Variants in PYHIN1 observed in about 807,000 individuals in gnomAD.
PYHIN1 encodes the protein pyrin and HIN domain family member 1, also known as pyrin and HIN domain-containing protein 1.
A neutral mutation model predicts 43.7 loss-of-function variants in PYHIN1; 32 were observed. That is an observed-to-expected ratio of 0.73 (90% confidence interval 0.55 to 0.98). PYHIN1 has a LOEUF of 0.98. Ranked by LOEUF, PYHIN1 falls within the 50% of genes least tolerant of loss-of-function variation. PYHIN1 has a pLI of 0.00. For synonymous variants in PYHIN1, 205 were observed against 203.1 expected (o/e 1.01, Z -0.08); for missense variants, 588 against 589.5 (o/e 1.00, Z 0.03).
At chr1:158,983,148 T>C in the PYHIN1 span, among the ~76,000 whole-genome samples, 1 of 152,092 alleles carries the variant, frequency 6.6e-6, no homozygotes, top group South Asian at 2.1e-4. Context: ...TTCTCTTGCC[T>C]GACTGCTCTG....
chr1:158,985,549 A>G, the PYHIN1 span, among the ~76,000 whole-genome samples: 1 of 152,072 alleles, frequency 6.6e-6, no homozygotes, highest in African/African-American at 2.4e-5. Flanking sequence ...TTCCCTTTGT[A>G]CATGATCTGC....
At chr1:158,936,830 A>G (rs1648571145) in intron 1 of PYHIN1, 61 bp from the exon 2 acceptor site, 1 of 1,150,166 alleles carries the variant, frequency 8.7e-7, no homozygotes, top group Admixed American at 2.7e-5. Flanking sequence ...ACATAGGCAT[A>G]CATCTTCTTT....
chr1:158,978,828 A>T (rs577856831), downstream of PYHIN1, among the ~76,000 whole-genome samples: 23 of 152,046 alleles, frequency 1.5e-4, no homozygotes, highest in African/African-American at 5.5e-4. Context: ...CCTTGACCCC[A>T]CTCTATCTTA....
At chr1:158,939,319 A>C in intron 4 of PYHIN1, 72 bp downstream of exon 4, 1 of 1,585,968 alleles carries the variant, frequency 6.3e-7, no homozygotes, top group Non-Finnish European at 8.6e-7. Flanking sequence ...TTCATCTTCT[A>C]CTGAAAAATG....
chr1:158,985,504 T>G, the PYHIN1 span, among the ~76,000 whole-genome samples: 1 of 152,206 alleles, frequency 6.6e-6, no homozygotes, highest in African/African-American at 2.4e-5. Context: ...CTTGAAAAAT[T>G]TCTGCTGAAA....
intron 4 of PYHIN1, chr1:158,939,508 G>T (rs1648779920): frequency 5.8e-6 from 9 of 1,550,800 alleles, no homozygotes; most frequent in Non-Finnish European, 7.8e-6. Context: ...TTCAGCAACA[G>T]ACTCACTGTC....
At chr1:158,959,716 C>T (rs1650214549) in intron 7 of PYHIN1, among the ~76,000 whole-genome samples, 1 of 152,172 alleles carries the variant, frequency 6.6e-6, no homozygotes, top group Non-Finnish European at 1.5e-5. Context: ...TATGAGTTTC[C>T]TAGCACCCTT....
rs927036293 is a variant in PYHIN1, at chr1:158,938,269, G to C, written c.266-128G>C. 9 of 980,416 alleles carry C rather than the reference G, an allele frequency of 9.2e-6. No homozygotes were observed. The African/African-American group carries it at 1.3e-4, about 14-fold the overall frequency. The allele number at this position is 980,416 out of a possible 1,614,324, so 60.7% of individuals were successfully genotyped here. A position where few individuals can be genotyped will look rare whatever the true frequency, so the allele number is the denominator to read the frequency against. On this transcript the variant is annotated intron_variant, in intron 2 of 8. Coordinates refer to ENST00000368140, the MANE Select transcript of PYHIN1 (RefSeq NM_152501.5). ...CTCCTGGAAGCCAGACTAGGCTAAT[G>C]CAATAGAGATAGACTAAAATACACC...
intron 7 of PYHIN1, among the ~76,000 whole-genome samples, chr1:158,945,779 C>T (rs1286896219): frequency 1.3e-5 from 2 of 152,168 alleles, no homozygotes; most frequent in Non-Finnish European, 2.9e-5. Flanking sequence ...CAGCATAGAA[C>T]ATGTAACGAC....
At chr1:158,948,714 A>G (rs1303852518) in intron 7 of PYHIN1, among the ~76,000 whole-genome samples, 1 of 152,216 alleles carries the variant, frequency 6.6e-6, no homozygotes, top group Non-Finnish European at 1.5e-5. Context: ...CATAAAGGCT[A>G]TAAGTGTGCC....
chr1:158,932,224 A>T (rs570289650), intron 1 of PYHIN1, among the ~76,000 whole-genome samples: 4 of 152,280 alleles, frequency 2.6e-5, no homozygotes, highest in African/African-American at 9.6e-5. Context: ...CAAATACTGC[A>T]TGTTCTCACT....
chr1:158,967,740 A>T (rs902301869), intron 7 of PYHIN1, among the ~76,000 whole-genome samples: 4 of 152,128 alleles, frequency 2.6e-5, no homozygotes, highest in African/African-American at 9.7e-5. Context: ...TGGTACAAAA[A>T]CAGACACATA....
the PYHIN1 span, among the ~76,000 whole-genome samples, chr1:158,986,824 C>T: frequency 1.3e-5 from 2 of 152,180 alleles, no homozygotes; most frequent in South Asian, 2.1e-4. Flanking sequence ...GGAGTTCTGT[C>T]TCTGCCAACT....
intron 7 of PYHIN1, among the ~76,000 whole-genome samples, chr1:158,967,331 A>G (rs1020697012): frequency 6.6e-6 from 1 of 151,960 alleles, no homozygotes; most frequent in African/African-American, 2.4e-5. Context: ...CAATCATTTC[A>G]TTTTTTACAT....
rs1649944341 is a variant in PYHIN1 at position 158,956,548 on chromosome 1, C to A, written c.1359+11506C>A. On this transcript the variant is annotated intron_variant, in intron 7 of 8. Coordinates refer to ENST00000368140, the MANE Select transcript of PYHIN1 (RefSeq NM_152501.5). ...TGCAGAAAAAGCCTTTGACAAAATT[C>A]AACAACCCTTCATGCTAAAAACTCT... Among the ~76,000 whole-genome samples the A allele has an allele frequency of 2.0e-5, 3 of 151,660 alleles. No individual in the cohort carries two copies. In the South Asian group the frequency reaches 6.2e-4, roughly 32 times the overall value.
chr1:158,982,181 T>G, the PYHIN1 span, among the ~76,000 whole-genome samples: 1 of 152,170 alleles, frequency 6.6e-6, no homozygotes, highest in Non-Finnish European at 1.5e-5. Context: ...CTACATTTGC[T>G]TTTGGAGTCT....
chr1:158,970,621 G>T (rs187823330), intron 7 of PYHIN1, among the ~76,000 whole-genome samples: 1 of 152,074 alleles, frequency 6.6e-6, no homozygotes, highest in Non-Finnish European at 1.5e-5. Flanking sequence ...TTTGGTAGAA[G>T]GGAATAGAGA....
intron 7 of PYHIN1, among the ~76,000 whole-genome samples, chr1:158,971,708 T>G (rs1571784695): frequency 6.6e-6 from 1 of 152,008 alleles, no homozygotes; most frequent in African/African-American, 2.4e-5. Flanking sequence ...TTGGCTAACA[T>G]TGTTCTGAAA....
chr1:158,969,071 T>G (rs1392332663), intron 7 of PYHIN1, among the ~76,000 whole-genome samples: 1 of 151,996 alleles, frequency 6.6e-6, no homozygotes, highest in Non-Finnish European at 1.5e-5. Context: ...AAATAATTTT[T>G]GGTCTTACAG....
Sources: gnomAD v4.1 joint callset for allele counts (sites outside exome capture counted in the v4.1 genomes callset) on GRCh38, gnomAD v4.1.1 for gene constraint, MANE v1.5 for transcripts, NCBI Gene and HGNC (gene_info 2026-07-23, HGNC 2026-07-21) for gene names.